The following LRRC40 variants were observed in gnomAD, a reference collection of about 807,000 sequenced individuals.
The protein encoded by LRRC40 is leucine-rich repeat-containing protein 40.
Under a neutral mutation model 72.8 loss-of-function variants are expected in LRRC40, and 76 were observed. The observed-to-expected ratio is 1.04, with a 90% CI of 0.87 to 1.26. The LOEUF is 1.26. Ranked by LOEUF, LRRC40 falls within the 50% of genes most tolerant of loss-of-function variation. The pLI, the probability that LRRC40 is intolerant of heterozygous loss-of-function variation, is 0.00. For missense variants in LRRC40, 684 were observed against 698.9 expected, an observed-to-expected ratio of 0.98 and a Z score of 0.24; for synonymous variants, 243 against 254.2, an observed-to-expected ratio of 0.96 and a Z score of 0.42.
intron 4 of LRRC40, among the ~76,000 whole-genome samples, chr1:70,181,549 T>C (rs1668246756): frequency 6.6e-6 from 1 of 152,030 alleles, no homozygotes; most frequent in Non-Finnish European, 1.5e-5. Context: ...CATGTATTCA[T>C]CCAATATTTA....
chr1:70,196,678 A>T (rs1040233342), intron 1 of LRRC40, among the ~76,000 whole-genome samples: 1 of 152,244 alleles, frequency 6.6e-6, no homozygotes, highest in African/African-American at 2.4e-5. Flanking sequence ...ATGCAATTTT[A>T]AAAGAACTAA....
At chr1:70,145,953 G>A in intron 14 of LRRC40, 48 bp from the exon 15 acceptor site, 1 of 871,476 alleles carries the variant, frequency 1.1e-6, no homozygotes, top group Non-Finnish European at 1.8e-6. Context: ...CCATTAACAA[G>A]GTTTTTCATC....
rs772057117 is a variant in LRRC40 at position 70,145,826 on chromosome 1, AT to A, written c.1782del (p.Glu594AspfsTer3). The A allele has an allele frequency of 1.9e-6, 3 of 1,607,142 alleles. No individual in the cohort carries two copies. The highest frequency in any genetic ancestry group is 2.6e-6 in the Non-Finnish European group (3 of 1,174,296). ...TAAGTAGGAATTCGGTCTCTCAAAT[AT>A]TCAAGTATAGCAGCTGTTCCTTTCA... ...ILMKGTAAIL[E>X]YLRDRIPT On this transcript the variant is annotated frameshift_variant, in exon 15 of 15. Transcript: ENST00000370952. LOFTEE classifies it high-confidence loss of function.
chr1:70,168,668 C>T (rs1667939563), intron 9 of LRRC40, among the ~76,000 whole-genome samples: 1 of 152,192 alleles, frequency 6.6e-6, no homozygotes, highest in African/African-American at 2.4e-5. Context: ...GCAGACTGTA[C>T]ACAAGCTAGC....
intron 6 of LRRC40, among the ~76,000 whole-genome samples, chr1:70,176,368 T>G (rs532720513): frequency 3.3e-5 from 5 of 151,732 alleles, no homozygotes; most frequent in Admixed American, 1.3e-4. Flanking sequence ...CCGTCTCTAC[T>G]AAAAATACAA....
At chr1:70,197,379 G>A (rs1194618312) in intron 1 of LRRC40, among the ~76,000 whole-genome samples, 1 of 151,934 alleles carries the variant, frequency 6.6e-6, no homozygotes, top group Non-Finnish European at 1.5e-5. Flanking sequence ...ATGGCTTCAG[G>A]AGATCCTCCT....
intron 1 of LRRC40, among the ~76,000 whole-genome samples, chr1:70,204,344 T>A (rs1297188873): frequency 6.6e-6 from 1 of 152,192 alleles, no homozygotes; most frequent in Non-Finnish European, 1.5e-5. Flanking sequence ...ATAAATGATA[T>A]AAATTCTGAT....
At chr1:70,178,480 CTTGA>C (rs1426511850) in intron 6 of LRRC40, among the ~76,000 whole-genome samples, 1 of 152,090 alleles carries the variant, frequency 6.6e-6, no homozygotes, top group African/African-American at 2.4e-5. Flanking sequence ...TTCAAACATA[CTTGA>C]TTATGATTAG....
At chr1:70,189,015 T>C in intron 2 of LRRC40, 77 bp downstream of exon 2, 1 of 1,293,924 alleles carries the variant, frequency 7.7e-7, no homozygotes, top group Non-Finnish European at 1.1e-6. Flanking sequence ...ACATGAAAGG[T>C]TTTCTGCTAC....
intron 2 of LRRC40, among the ~76,000 whole-genome samples, chr1:70,188,859 G>A (rs1027502452): frequency 4.6e-5 from 7 of 152,118 alleles, no homozygotes; most frequent in Non-Finnish European, 8.8e-5. Context: ...TGGAGACTAA[G>A]GCACAGAGAG....
intron 1 of LRRC40, among the ~76,000 whole-genome samples, chr1:70,194,618 G>T (rs1160242437): frequency 1.3e-5 from 2 of 151,406 alleles, no homozygotes; most frequent in Non-Finnish European, 2.9e-5. Context: ...ACTAAATTAG[G>T]TCAAAAAATT....
chr1:70,171,730 C>A (rs1359054631), intron 9 of LRRC40, among the ~76,000 whole-genome samples: 1 of 152,082 alleles, frequency 6.6e-6, no homozygotes, highest in East Asian at 1.9e-4. Flanking sequence ...TCAGAACACT[C>A]ATATACTACT....
At chr1:70,180,690 T>G (rs960526578) in intron 5 of LRRC40, among the ~76,000 whole-genome samples, 58 of 152,232 alleles carry the variant, frequency 3.8e-4, no homozygotes, top group African/African-American at 1.4e-3. Flanking sequence ...AAAACAAGAC[T>G]TATTTCTCGA....
chr1:70,191,110 T>C (rs1668490757), intron 1 of LRRC40, among the ~76,000 whole-genome samples: 2 of 149,860 alleles, frequency 1.3e-5, no homozygotes, highest in Admixed American at 6.6e-5. Flanking sequence ...TTACTAAAAA[T>C]AAATGTGACT....
chr1:70,155,425 T>A (rs1162081344), intron 11 of LRRC40, among the ~76,000 whole-genome samples: 1 of 152,072 alleles, frequency 6.6e-6, no homozygotes, highest in Non-Finnish European at 1.5e-5. Context: ...TTTTTAATAA[T>A]TCTTATACCC....
intron 9 of LRRC40, among the ~76,000 whole-genome samples, chr1:70,169,476 A>G (rs1008615535): frequency 6.6e-6 from 1 of 152,226 alleles, no homozygotes; most frequent in Non-Finnish European, 1.5e-5. Context: ...TAGAGAACAG[A>G]AAAACAATAG....
At chr1:70,179,820 C>T (rs1668202583) in intron 5 of LRRC40, among the ~76,000 whole-genome samples, 3 of 152,014 alleles carry the variant, frequency 2.0e-5, no homozygotes, top group Admixed American at 2.0e-4. Context: ...ACAGCAAAAT[C>T]TTAACTATTG....
chr1:70,164,592 G>T (rs886607314), intron 9 of LRRC40, among the ~76,000 whole-genome samples: 3 of 152,084 alleles, frequency 2.0e-5, no homozygotes, highest in African/African-American at 7.2e-5. Flanking sequence ...CCTCACCCTT[G>T]GCAGGCACAG....
Position 70,182,205 on chromosome 1 carries a change from C to T in LRRC40, c.538-996G>A, listed in dbSNP as rs146632579. ...ATACAACATAACATATTCTACAACT[C>T]TAATACTAAAAACTCTAAGAATCAA... On this transcript the variant is annotated intron_variant, in intron 4 of 14. Transcript: ENST00000370952. Among the ~76,000 whole-genome samples the T allele has an allele frequency of 2.8e-3, 432 of 151,970 alleles. 2 individuals carry two copies. The highest frequency in any genetic ancestry group is 9.6e-3 in the African/African-American group (400 of 41,504).
Sources: allele counts gnomAD v4.1 joint callset (sites outside exome capture counted in the v4.1 genomes callset), GRCh38; gene constraint gnomAD v4.1.1; transcripts MANE v1.5; gene names NCBI Gene and HGNC (gene_info 2026-07-23, HGNC 2026-07-21).